Variants in CELF4 observed in about 807,000 individuals in gnomAD.
CELF4 encodes CUGBP Elav-like family member 4, also known as CUG-BP- and ETR-3-like factor 4.
Under a neutral mutation model 59.9 loss-of-function variants are expected in CELF4, and 18 were observed. That is an observed-to-expected ratio of 0.30 (90% CI 0.21 to 0.45). The LOEUF (loss-of-function observed/expected upper bound fraction) is 0.45, where lower values mean the gene tolerates loss of function less well. Among genes scored for constraint, CELF4 ranks in the 20% least tolerant of loss-of-function variants. CELF4 has a pLI of 1.00. For synonymous variants in CELF4, 261 were observed against 267.1 expected (o/e 0.98, Z 0.22); for missense variants, 456 against 689.0 (o/e 0.66, Z 3.79).
intron 1 of CELF4, among the ~76,000 whole-genome samples, chr18:37,499,687 T>A (rs1365100154): frequency 2.0e-5 from 3 of 152,162 alleles, no homozygotes; most frequent in Non-Finnish European, 4.4e-5. Context: ...ACTGGAAGCA[T>A]GGGGTGAGGG....
intron 2 of CELF4, among the ~76,000 whole-genome samples, chr18:37,359,097 A>G (rs1475474019): frequency 1.3e-5 from 2 of 150,748 alleles, no homozygotes; most frequent in Non-Finnish European, 3.0e-5. Context: ...GACTGTCTCC[A>G]AAAAAAACAA....
chr18:37,332,078 T>C (rs1240091027), intron 2 of CELF4, among the ~76,000 whole-genome samples: 1 of 151,968 alleles, frequency 6.6e-6, no homozygotes, highest in African/African-American at 2.4e-5. Context: ...CAAGCAAACG[T>C]TTGTTCAGTT....
At chr18:37,409,311 GTGA>G (rs2154591782) in intron 2 of CELF4, among the ~76,000 whole-genome samples, 1 of 152,328 alleles carries the variant, frequency 6.6e-6, no homozygotes, top group African/African-American at 2.4e-5. Flanking sequence ...CCCTCAGGAT[GTGA>G]TGCACTGCTT....
At chr18:37,552,122 G>A (rs998955892) in intron 1 of CELF4, among the ~76,000 whole-genome samples, 2 of 152,160 alleles carry the variant, frequency 1.3e-5, no homozygotes, top group Non-Finnish European at 1.5e-5. Flanking sequence ...CTTATCTTTC[G>A]GGGGTTCCCA....
At chr18:37,464,950 T>G (rs186906899) in intron 2 of CELF4, among the ~76,000 whole-genome samples, 2 of 152,320 alleles carry the variant, frequency 1.3e-5, no homozygotes, top group African/African-American at 4.8e-5. Context: ...AGGAGTCTCC[T>G]TGGGTCTCCT....
At chr18:37,292,811 T>G (rs1306702894) in intron 3 of CELF4, among the ~76,000 whole-genome samples, 1 of 152,254 alleles carries the variant, frequency 6.6e-6, no homozygotes, top group Non-Finnish European at 1.5e-5. Flanking sequence ...CTGGACACTT[T>G]TATAAATTTC....
intron 2 of CELF4, among the ~76,000 whole-genome samples, chr18:37,366,722 G>T (rs1335300151): frequency 1.3e-5 from 2 of 152,182 alleles, no homozygotes; most frequent in African/African-American, 4.8e-5. Context: ...AGAAGACTGG[G>T]CTTGGAGAGG....
At chr18:37,398,269 G>A (rs1031580638) in intron 2 of CELF4, among the ~76,000 whole-genome samples, 1 of 152,182 alleles carries the variant, frequency 6.6e-6, no homozygotes, top group Non-Finnish European at 1.5e-5. Context: ...AGAAGGGAGA[G>A]GGGGCTGGAA....
At chr18:37,273,552 A>G (rs2092305480) in intron 6 of CELF4, 1 of 1,000,190 alleles carries the variant, frequency 1.0e-6, no homozygotes, top group African/African-American at 1.7e-5. Flanking sequence ...GTTTCTGTCC[A>G]GAATGGTTTT....
chr18:37,553,877 C>T (rs909828091), intron 1 of CELF4, among the ~76,000 whole-genome samples: 10 of 152,088 alleles, frequency 6.6e-5, no homozygotes, highest in Non-Finnish European at 1.5e-4. Context: ...GACTGGGGCC[C>T]GCAGTGTGTG....
At chr18:37,320,260 C>T (rs55639160) in intron 3 of CELF4, among the ~76,000 whole-genome samples, 31,847 of 144,958 alleles carry the variant, frequency 0.22, 3,403 homozygotes, top group East Asian at 0.24. Flanking sequence ...GGCGTGAACC[C>T]GGGAGGCGGA....
At chr18:37,348,203 T>C (rs1411646670) in intron 2 of CELF4, among the ~76,000 whole-genome samples, 2 of 149,696 alleles carry the variant, frequency 1.3e-5, no homozygotes. Context: ...CAGTTACTAT[T>C]TGACCCCTCT....
intron 3 of CELF4, among the ~76,000 whole-genome samples, chr18:37,320,001 C>A (rs560140912): frequency 1.3e-5 from 2 of 152,318 alleles, no homozygotes; most frequent in East Asian, 3.9e-4. Context: ...GCTGGGGCCA[C>A]CTTGGAGGCT....
chr18:37,426,169 T>A (rs148402508), intron 2 of CELF4, among the ~76,000 whole-genome samples: 39 of 152,140 alleles, frequency 2.6e-4, no homozygotes, highest in African/African-American at 8.4e-4. Context: ...GTCCTGGCCA[T>A]GGGGAGGATG....
intron 2 of CELF4, among the ~76,000 whole-genome samples, chr18:37,444,253 C>T (rs1322753796): frequency 6.6e-6 from 1 of 152,066 alleles, no homozygotes; most frequent in Non-Finnish European, 1.5e-5. Context: ...CCTGTATAGA[C>T]CCCCTGTGTG....
At chr18:37,399,863 G>A (rs2099303526) in intron 2 of CELF4, among the ~76,000 whole-genome samples, 1 of 152,188 alleles carries the variant, frequency 6.6e-6, no homozygotes, top group Non-Finnish European at 1.5e-5. Context: ...ATCCTTTCCA[G>A]GGTCTGCTCT....
intron 10 of CELF4, among the ~76,000 whole-genome samples, chr18:37,263,003 G>A (rs1292719566): frequency 1.3e-5 from 2 of 152,194 alleles, no homozygotes; most frequent in Non-Finnish European, 2.9e-5. Context: ...GAAGTTGCCT[G>A]CTGGGTGTGA....
intron 1 of CELF4, among the ~76,000 whole-genome samples, chr18:37,511,451 C>T (rs780649400): frequency 6.6e-6 from 1 of 152,034 alleles, no homozygotes. Flanking sequence ...CCCAGCTCAG[C>T]CTGGGCCTCC....
At chr18:37,540,009 G>T (rs1158603502) in intron 1 of CELF4, among the ~76,000 whole-genome samples, 1 of 152,156 alleles carries the variant, frequency 6.6e-6, no homozygotes, top group Non-Finnish European at 1.5e-5. Flanking sequence ...ATTGATGTGT[G>T]CGTAGCTCTC....
Sources: allele counts gnomAD v4.1 joint callset (sites outside exome capture counted in the v4.1 genomes callset), GRCh38; gene constraint gnomAD v4.1.1; transcripts MANE v1.5; gene names NCBI Gene and HGNC (gene_info 2026-07-23, HGNC 2026-07-21).